RUNX2: variants seen among roughly 807,000 people sequenced by gnomAD.
RUNX2 encodes RUNX family transcription factor 2.
RUNX2 carries 10 observed loss-of-function variants against 51.7 expected under a neutral mutation model. The observed-to-expected ratio is 0.19, with a 90% CI of 0.12 to 0.33. RUNX2 has a LOEUF of 0.33. RUNX2 is among the 10% of genes least tolerant of loss of function. The pLI is 1.00. For missense variants in RUNX2, 562 were observed against 691.3 expected (o/e 0.81, Z 2.10); for synonymous variants, 276 against 273.6 (o/e 1.01, Z -0.09).
In RUNX2 at chr6:45,461,865, A is replaced by G. The variant is rs16873427; in HGVS notation, c.685+23814A>G. On this transcript the variant is annotated intron_variant, in intron 5 of 8. Coordinates refer to ENST00000647337, the MANE Select transcript of RUNX2 (RefSeq NM_001024630.4). ...GATTTTTATTAAATGAATTATCGATATTAATTGGTTGCTGCAACTTTTTTT... is the reference window on the plus strand; with the variant it reads ...GATTTTTATTAAATGAATTATCGATGTTAATTGGTTGCTGCAACTTTTTTT... Among the ~76,000 whole-genome samples, 887 of 152,154 alleles carry G rather than the reference A, an allele frequency of 5.8e-3. 63 individuals are homozygous for G. In the East Asian group the frequency reaches 0.14, roughly 25 times the overall value.
chr6:45,357,356 A>C (rs1241288117), intron 2 of RUNX2, among the ~76,000 whole-genome samples: 1 of 151,868 alleles, frequency 6.6e-6, no homozygotes, highest in Non-Finnish European at 1.5e-5. Context: ...TTTTTGAGAC[A>C]GTCTCACTCT....
intron 5 of RUNX2, among the ~76,000 whole-genome samples, chr6:45,476,206 C>T (rs1799951858): frequency 6.6e-6 from 1 of 152,144 alleles, no homozygotes; most frequent in Non-Finnish European, 1.5e-5. Flanking sequence ...AATGAGAATG[C>T]AGAAATGGGA....
chr6:45,408,703 C>T (rs921700466), intron 2 of RUNX2, among the ~76,000 whole-genome samples: 2 of 152,046 alleles, frequency 1.3e-5, no homozygotes, highest in Non-Finnish European at 2.9e-5. Context: ...CATCTTGTCT[C>T]TTCCTCCTGT....
At chr6:45,346,578 T>TC (rs1263981989) in intron 2 of RUNX2, among the ~76,000 whole-genome samples, 2 of 151,360 alleles carry the variant, frequency 1.3e-5, no homozygotes, top group Non-Finnish European at 2.9e-5. Context: ...TTTTTTTTTT[T>TC]TTTTCTTGAG....
intron 5 of RUNX2, among the ~76,000 whole-genome samples, 179 bp from the exon 6 acceptor site, chr6:45,491,762 C>T (rs1365617991): frequency 6.6e-6 from 1 of 151,710 alleles, no homozygotes; most frequent in African/African-American, 2.4e-5. Context: ...ATGCTGGCCA[C>T]CAGATACCGC....
rs933741620 is a variant in RUNX2 at position 45,550,814 on chromosome 6, A to G, written c.*3509A>G. 3.9e-5 allele frequency: 6 copies of G among 152,616 alleles called. No homozygotes were observed. Among genetic ancestry groups the G allele is most frequent in the Admixed American group, 3.9e-4 (6 of 15,286 alleles). The allele number at this position is 152,616 out of a possible 1,614,324, so 9.5% of individuals were successfully genotyped here. ...TCTTAGGTTTCTGTGGAACAAAAAT[A>G]TTTGTAGCATTTTGTGTAAATACAA... is the stretch of plus-strand genomic sequence containing the variant. On this transcript the variant is annotated 3_prime_UTR_variant, in exon 9 of 9. Coordinates refer to ENST00000647337, the MANE Select transcript of RUNX2 (RefSeq NM_001024630.4).
intron 5 of RUNX2, among the ~76,000 whole-genome samples, chr6:45,479,338 G>A (rs1275045744): frequency 6.6e-6 from 1 of 152,164 alleles, no homozygotes; most frequent in Non-Finnish European, 1.5e-5. Context: ...TTAGGCTGAA[G>A]GATGAGAACT....
chr6:45,468,973 C>T (rs1477734761), intron 5 of RUNX2, among the ~76,000 whole-genome samples: 1 of 152,218 alleles, frequency 6.6e-6, no homozygotes, highest in Non-Finnish European at 1.5e-5. Context: ...CCCAATTGCA[C>T]ATCTCTTTTC....
intron 2 of RUNX2, among the ~76,000 whole-genome samples, chr6:45,339,514 T>C (rs1789319484): frequency 6.6e-6 from 1 of 152,154 alleles, no homozygotes; most frequent in Non-Finnish European, 1.5e-5. Context: ...CTTCCTTTTC[T>C]TCCAATAGAG....
intron 3 of RUNX2, among the ~76,000 whole-genome samples, chr6:45,426,972 T>A (rs1798399517): frequency 6.6e-6 from 1 of 152,214 alleles, no homozygotes; most frequent in African/African-American, 2.4e-5. Flanking sequence ...GAAAATAGGT[T>A]GTTAAGCCTG....
intron 5 of RUNX2, among the ~76,000 whole-genome samples, chr6:45,467,634 T>C (rs556945143): frequency 2.1e-4 from 31 of 151,128 alleles, no homozygotes; most frequent in African/African-American, 7.3e-4. Flanking sequence ...CTCATCTACC[T>C]CCTACAAGTG....
At chr6:45,527,752 G>C (rs757890704) in intron 7 of RUNX2, among the ~76,000 whole-genome samples, 3 of 152,100 alleles carry the variant, frequency 2.0e-5, no homozygotes, top group Non-Finnish European at 4.4e-5. Flanking sequence ...AAAATTTTTA[G>C]GTTTTTGTAA....
At chr6:45,403,390 T>C (rs959433856) in intron 2 of RUNX2, among the ~76,000 whole-genome samples, 1 of 151,962 alleles carries the variant, frequency 6.6e-6, no homozygotes, top group Non-Finnish European at 1.5e-5. Context: ...TGAGCCACCA[T>C]GCCCAGCTAA....
chr6:45,377,170 C>T (rs920209626), intron 2 of RUNX2: 7 of 152,150 alleles, frequency 4.6e-5, no homozygotes, highest in Non-Finnish European at 7.3e-5. Context: ...CAGCACCTGG[C>T]GCTGTTCTAA....
chr6:45,433,401 C>A (rs1798597148), intron 4 of RUNX2, among the ~76,000 whole-genome samples: 1 of 152,010 alleles, frequency 6.6e-6, no homozygotes, highest in Non-Finnish European at 1.5e-5. Context: ...TTAAAGTTTT[C>A]CTTTTTTTCT....
chr6:45,446,169 C>T (rs1164849520), intron 5 of RUNX2, among the ~76,000 whole-genome samples: 1 of 152,204 alleles, frequency 6.6e-6, no homozygotes, highest in African/African-American at 2.4e-5. Context: ...AAAACATGCT[C>T]GTGTCCCTCC....
At chr6:45,480,353 A>T (rs1205105664) in intron 5 of RUNX2, among the ~76,000 whole-genome samples, 1 of 152,182 alleles carries the variant, frequency 6.6e-6, no homozygotes, top group African/African-American at 2.4e-5. Context: ...TCAGTTCTTT[A>T]CCCATCTGAA....
chr6:45,394,413 C>T (rs1019509243), intron 2 of RUNX2, among the ~76,000 whole-genome samples: 4 of 152,160 alleles, frequency 2.6e-5, no homozygotes, highest in African/African-American at 9.7e-5. Flanking sequence ...CCTCTAGAGT[C>T]CTCCTTTTAG....
In RUNX2 at chr6:45,519,896, C is replaced by T. The variant is rs562403297; in HGVS notation, c.1021+7489C>T. The stretch of plus-strand genomic sequence containing the variant: ...CTGCTGGAGTGCAATGGCATGATCT[C>T]GGCTCATGGCAACCTCTGCCTCCCA... On this transcript the variant is annotated intron_variant, in intron 7 of 8. Transcript: ENST00000647337. 2.6e-4 allele frequency among the ~76,000 whole-genome samples: 39 copies of T among 151,138 alleles called. 1 individual carries two copies. In the South Asian group the frequency reaches 4.8e-3, roughly 19 times the overall value.
Sources: allele counts gnomAD v4.1 joint callset (sites outside exome capture counted in the v4.1 genomes callset), GRCh38; gene constraint gnomAD v4.1.1; transcripts MANE v1.5; gene names NCBI Gene and HGNC (gene_info 2026-07-23, HGNC 2026-07-21).